Variants in CYP4Z1 observed in about 807,000 individuals in gnomAD.
CYP4Z1 encodes cytochrome P450 family 4 subfamily Z member 1, also known as cytochrome P450 4Z1.
Under a neutral mutation model 54.2 loss-of-function variants are expected in CYP4Z1, and 41 were observed. That is an observed-to-expected ratio of 0.76 (90% CI 0.59 to 0.98). The LOEUF is 0.98. CYP4Z1 is among the 50% of genes least tolerant of loss of function. CYP4Z1 has a pLI of 0.00. For synonymous variants in CYP4Z1, 163 were observed against 206.2 expected, an observed-to-expected ratio of 0.79 and a Z score of 1.79; for missense variants, 513 against 599.0, an observed-to-expected ratio of 0.86 and a Z score of 1.50.
rs1644755182 is a variant in CYP4Z1, at chr1:47,106,125, C to T, written c.1068-3C>T. On this transcript the variant is annotated splice_polypyrimidine_tract_variant and splice_region_variant and intron_variant, in intron 8 of 11. Transcript: ENST00000334194. ...TTTCCTTTCCTCCTGTGCTTCTACCCAGGGAACACCTGAGCCAGATGCCTT... is the reference window on the plus strand; with the variant it reads ...TTTCCTTTCCTCCTGTGCTTCTACCTAGGGAACACCTGAGCCAGATGCCTT... The T allele has an allele frequency of 6.2e-7, 1 of 1,612,216 alleles. No individual in the cohort carries two copies. The highest frequency in any genetic ancestry group is 8.5e-7 in the Non-Finnish European group (1 of 1,179,476).
chr1:47,086,546 T>G (rs1373404406), intron 6 of CYP4Z1, among the ~76,000 whole-genome samples: 291 of 142,378 alleles, frequency 2.0e-3, no homozygotes, highest in South Asian at 4.3e-3. Flanking sequence ...GGGTTGTTTG[T>G]TTTTTTCTTG....
chr1:47,066,718 A>G (rs1253207938), upstream of CYP4Z1, among the ~76,000 whole-genome samples: 2 of 152,250 alleles, frequency 1.3e-5, no homozygotes, highest in East Asian at 1.9e-4. Flanking sequence ...AAGGAGGTCA[A>G]ACTGTCACTG....
rs145221119 is a variant in CYP4Z1, at chr1:47,083,645, A to C, written c.493-975A>C. On this transcript the variant is annotated intron_variant, in intron 4 of 11. Transcript: ENST00000334194. ...ACCCCATCTCTACTAAAAATACATGATCATAAGGCAGATTAGAGGAAGAGT... is the reference window on the plus strand; with the variant it reads ...ACCCCATCTCTACTAAAAATACATGCTCATAAGGCAGATTAGAGGAAGAGT... 5.0e-3 allele frequency among the ~76,000 whole-genome samples: 754 copies of C among 152,276 alleles called. 8 individuals carry two copies. Among genetic ancestry groups the C allele is most frequent in the African/African-American group, 0.017 (706 of 41,556 alleles).
the CYP4Z1 span, among the ~76,000 whole-genome samples, chr1:47,058,846 G>A: frequency 2.0e-5 from 3 of 152,098 alleles, no homozygotes; most frequent in Non-Finnish European, 2.9e-5. Context: ...GCAGGGACAG[G>A]CAGAGACAGG....
chr1:47,092,412 T>C (rs1287443325), intron 6 of CYP4Z1, among the ~76,000 whole-genome samples: 1 of 151,840 alleles, frequency 6.6e-6, no homozygotes. Flanking sequence ...CCTTCTAATA[T>C]TGGGGTTCTA....
chr1:47,105,206 A>C (rs1211916219), intron 8 of CYP4Z1, among the ~76,000 whole-genome samples: 1 of 152,156 alleles, frequency 6.6e-6, no homozygotes, highest in Non-Finnish European at 1.5e-5. Context: ...CAGCAGCCAC[A>C]GCAGCTGTGG....
intron 6 of CYP4Z1, among the ~76,000 whole-genome samples, chr1:47,091,149 C>A (rs1401875383): frequency 7.3e-6 from 1 of 136,338 alleles, no homozygotes; most frequent in East Asian, 2.3e-4. Flanking sequence ...CTGACTGTAA[C>A]CATCCTGAGA....
rs761397821 is a variant in CYP4Z1, at chr1:47,099,076, C to T, written c.877-18C>T. 6.2e-7 allele frequency: 1 copy of T among 1,613,686 alleles called. No individual in the cohort carries two copies. The highest frequency in any genetic ancestry group is 1.1e-5 in the South Asian group (1 of 91,022). Reference sequence around the variant, plus strand: ...TCCATAGCCAGCTTTGGATAAAGATCATCACTGTATTTTTTAGAGCGAAAA... The same window carrying T: ...TCCATAGCCAGCTTTGGATAAAGATTATCACTGTATTTTTTAGAGCGAAAA... On this transcript the variant is annotated intron_variant, in intron 7 of 11. Coordinates refer to ENST00000334194, the MANE Select transcript of CYP4Z1 (RefSeq NM_178134.3).
chr1:47,094,448 T>G, intron 6 of CYP4Z1, 118 bp from the exon 7 acceptor site: 1 of 657,392 alleles, frequency 1.5e-6, no homozygotes, highest in Non-Finnish European at 2.5e-6. Flanking sequence ...CTCAGGAACA[T>G]TGGGTGGGGG....
At chr1:47,059,796 G>T in the CYP4Z1 span, among the ~76,000 whole-genome samples, 1 of 152,140 alleles carries the variant, frequency 6.6e-6, no homozygotes, top group African/African-American at 2.4e-5. Context: ...GAGGCTGATG[G>T]TCCCCTATGG....
intron 6 of CYP4Z1, among the ~76,000 whole-genome samples, chr1:47,089,781 A>G (rs147798110): frequency 0.019 from 2,856 of 152,312 alleles, 1 homozygote; most frequent in Non-Finnish European, 0.03. Flanking sequence ...AGGAGGCCCA[A>G]CTGCCTTTCT....
At chr1:47,113,346 T>A (rs1644806464) in intron 9 of CYP4Z1, among the ~76,000 whole-genome samples, 1 of 152,174 alleles carries the variant, frequency 6.6e-6, no homozygotes, top group Admixed American at 6.5e-5. Context: ...CTTGCATACA[T>A]CCAAAGGCTC....
intron 6 of CYP4Z1, among the ~76,000 whole-genome samples, chr1:47,092,382 A>G (rs1203952089): frequency 6.6e-6 from 1 of 151,866 alleles, no homozygotes; most frequent in Non-Finnish European, 1.5e-5. Flanking sequence ...ATCTGGTCCT[A>G]TAGCTTGCTT....
chr1:47,092,243 T>C (rs925352259), intron 6 of CYP4Z1, among the ~76,000 whole-genome samples: 4 of 152,106 alleles, frequency 2.6e-5, no homozygotes, highest in Middle Eastern at 3.4e-3. Context: ...TCCTGGACTT[T>C]GCAAGCCTGC....
At chr1:47,065,036 A>C (rs981083448), upstream of CYP4Z1, among the ~76,000 whole-genome samples, 1 of 152,166 alleles carries the variant, frequency 6.6e-6, no homozygotes, top group Non-Finnish European at 1.5e-5. Flanking sequence ...GAAACGCCCA[A>C]ATTTATAAAA....
chr1:47,114,560 A>G (rs1292151917), intron 9 of CYP4Z1, among the ~76,000 whole-genome samples: 6 of 152,230 alleles, frequency 3.9e-5, no homozygotes, highest in African/African-American at 1.4e-4. Flanking sequence ...ACAAAGGGCT[A>G]ACATCCAGAA....
the CYP4Z1 span, among the ~76,000 whole-genome samples, chr1:47,062,101 T>C: frequency 6.6e-6 from 1 of 152,178 alleles, no homozygotes; most frequent in Non-Finnish European, 1.5e-5. Flanking sequence ...GATGGAAGCA[T>C]TCCCCTTGAA....
intron 8 of CYP4Z1, 63 bp from the exon 9 acceptor site, chr1:47,106,065 G>A: frequency 6.5e-7 from 1 of 1,544,278 alleles, no homozygotes; most frequent in Non-Finnish European, 8.7e-7. Context: ...GAAAAGCTGG[G>A]CTTTCAGTGC....
chr1:47,061,601 G>A, the CYP4Z1 span, among the ~76,000 whole-genome samples: 1 of 152,142 alleles, frequency 6.6e-6, no homozygotes, highest in Non-Finnish European at 1.5e-5. Context: ...TCTACCAGAT[G>A]TACAAAGAAG....
Sources: allele counts gnomAD v4.1 joint callset (sites outside exome capture counted in the v4.1 genomes callset), GRCh38; gene constraint gnomAD v4.1.1; transcripts MANE v1.5; gene names NCBI Gene and HGNC (gene_info 2026-07-23, HGNC 2026-07-21).